The following PSMD11 variants were observed in gnomAD, a reference collection of about 807,000 sequenced individuals.
PSMD11 encodes the protein proteasome 26S subunit, non-ATPase 11.
In PSMD11, 5 loss-of-function variants were observed where a neutral mutation model predicts 62.3. The observed-to-expected ratio is 0.08, with a 90% confidence interval of 0.04 to 0.17. The LOEUF is 0.17. Among genes scored for constraint, PSMD11 ranks in the 10% least tolerant of loss-of-function variants. PSMD11 has a pLI of 1.00. For synonymous variants in PSMD11, 191 were observed against 191.8 expected, an observed-to-expected ratio of 1.00 and a Z score of 0.03; for missense variants, 310 against 512.9, an observed-to-expected ratio of 0.60 and a Z score of 3.82.
chr17:32,466,701 C>T (rs1908002353), intron 5 of PSMD11, among the ~76,000 whole-genome samples: 1 of 152,162 alleles, frequency 6.6e-6, no homozygotes, highest in Non-Finnish European at 1.5e-5. Flanking sequence ...AACTGATTAG[C>T]TGTTTAAGGA....
intron 3 of PSMD11, among the ~76,000 whole-genome samples, chr17:32,455,078 A>G (rs1907612459): frequency 6.6e-6 from 1 of 152,148 alleles, no homozygotes; most frequent in Non-Finnish European, 1.5e-5. Context: ...GTGTTCCTGT[A>G]TGTGTCCCAC....
chr17:32,478,688 C>T (rs1193646982), intron 9 of PSMD11, among the ~76,000 whole-genome samples: 1 of 152,204 alleles, frequency 6.6e-6, no homozygotes, highest in African/African-American at 2.4e-5. Flanking sequence ...TTGTGGAATT[C>T]AGCATTTCCT....
intron 12 of PSMD11, 41 bp downstream of exon 12, chr17:32,480,238 A>T: frequency 1.3e-6 from 2 of 1,587,216 alleles, no homozygotes; most frequent in Non-Finnish European, 1.7e-6. Context: ...GGTGGTGGTG[A>T]TGAGATGGTT....
chr17:32,470,437 C>T lies in PSMD11; in HGVS notation c.643+1244C>T, dbSNP rs148888416. 1.9e-3 allele frequency among the ~76,000 whole-genome samples: 284 copies of T among 152,176 alleles called. 2 individuals are homozygous for T. The highest frequency in any genetic ancestry group is 6.5e-3 in the African/African-American group (269 of 41,548). ...AAGCGATTCTCCTGTCTCAGCCTCC[C>T]GAGTAGCTGGGATTACAGGCACCTG... is the stretch of plus-strand genomic sequence containing the variant. On this transcript the variant is annotated intron_variant, in intron 6 of 13. Transcript: ENST00000261712.
At chr17:32,452,573 A>T (rs905016442) in intron 2 of PSMD11, among the ~76,000 whole-genome samples, 8 of 152,368 alleles carry the variant, frequency 5.3e-5, no homozygotes, top group Non-Finnish European at 8.8e-5. Flanking sequence ...CAGGAAGATT[A>T]AATTCAGTTG....
Position 32,479,940 on chromosome 17 carries a change from G to A in PSMD11, c.1074+54G>A, listed in dbSNP as rs947121436. 6 of 1,582,276 alleles carry A rather than the reference G, an allele frequency of 3.8e-6. No individual in the cohort carries two copies. The African/African-American group carries it at 8.1e-5, about 21-fold the overall frequency. On this transcript the variant is annotated intron_variant, in intron 11 of 13. Coordinates refer to ENST00000261712, the MANE Select transcript of PSMD11 (RefSeq NM_002815.4). ...AGGAATGGGACGGGGTGGCGAGGAG[G>A]GGTGGCACATGCACCTGATTGGCCT...
At chr17:32,469,466 C>G (rs984683620) in intron 6 of PSMD11, among the ~76,000 whole-genome samples, 1 of 152,222 alleles carries the variant, frequency 6.6e-6, no homozygotes, top group Non-Finnish European at 1.5e-5. Context: ...TCCCTTAGCT[C>G]TTAGCCACTT....
At chr17:32,464,675 C>T (rs1907943758) in intron 5 of PSMD11, 97 bp downstream of exon 5, 1 of 889,672 alleles carries the variant, frequency 1.1e-6, no homozygotes, top group Middle Eastern at 2.3e-4. Context: ...AATTTATATT[C>T]TACTGACTTC....
At position 32,462,932 on chromosome 17, in the gene PSMD11, C is replaced by T. The variant is rs1307097615; in HGVS notation, c.319-1117C>T. On this transcript the variant is annotated intron_variant, in intron 3 of 13. Transcript: ENST00000261712. ...TGAACTCCCGACCTCAGGTGATCCACCTGCCTTGGCCTCCCAGATTGCTGG... is the reference window on the plus strand; with the variant it reads ...TGAACTCCCGACCTCAGGTGATCCATCTGCCTTGGCCTCCCAGATTGCTGG... 2.6e-5 allele frequency among the ~76,000 whole-genome samples: 4 copies of T among 152,228 alleles called. No homozygotes were observed. In the East Asian group the frequency reaches 7.7e-4, roughly 29 times the overall value.
intron 5 of PSMD11, among the ~76,000 whole-genome samples, chr17:32,466,571 G>A (rs1035901046): frequency 5.9e-5 from 9 of 152,156 alleles, no homozygotes; most frequent in Non-Finnish European, 1.3e-4. Flanking sequence ...TTCATCAGTT[G>A]ATGGACACTT....
At chr17:32,480,220 A>T in intron 12 of PSMD11, 23 bp downstream of exon 12, 1 of 1,603,848 alleles carries the variant, frequency 6.2e-7, no homozygotes, top group African/African-American at 1.3e-5. Context: ...CACACAGGCA[A>T]GGGGGCTGGT....
intron 9 of PSMD11, 134 bp downstream of exon 9, chr17:32,477,717 C>T: frequency 1.5e-6 from 1 of 680,654 alleles, no homozygotes; most frequent in Non-Finnish European, 2.3e-6. Flanking sequence ...TCACCTAGGA[C>T]AGTATTAAAA....
Position 32,473,886 on chromosome 17 carries a change from C to T in PSMD11, c.729C>T (p.Asp243=), listed in dbSNP as rs1402095423. Residue 243 remains aspartate (D), a synonymous_variant, in exon 7 of 14, where the codon GAC becomes GAT. Transcript: ENST00000261712. ...YEAFEGYDSI[D]SPKAITSLKY... is the part of the protein sequence containing the mutation. Reference sequence around the variant, plus strand: ...CATTTGAGGGTTATGACTCCATCGACAGCCCCAAGGCCATCACATCTCTGA... The same window carrying T: ...CATTTGAGGGTTATGACTCCATCGATAGCCCCAAGGCCATCACATCTCTGA... 1 of 1,614,082 alleles carries T rather than the reference C, an allele frequency of 6.2e-7. No homozygotes were observed. The highest frequency in any genetic ancestry group is 8.5e-7 in the Non-Finnish European group (1 of 1,180,024).
chr17:32,477,385 T>C (rs1908359452), intron 8 of PSMD11, 136 bp from the exon 9 acceptor site: 1 of 625,024 alleles, frequency 1.6e-6, no homozygotes. Context: ...TTCCCGGGCG[T>C]CTGAAGAAGA....
At chr17:32,470,829 G>T (rs1908143922) in intron 6 of PSMD11, among the ~76,000 whole-genome samples, 1 of 152,210 alleles carries the variant, frequency 6.6e-6, no homozygotes, top group Non-Finnish European at 1.5e-5. Flanking sequence ...TTGGGTTGTT[G>T]AAGGGGCTTT....
At chr17:32,480,426 C>T in intron 12 of PSMD11, 63 bp from the exon 13 acceptor site, 1 of 1,596,244 alleles carries the variant, frequency 6.3e-7, no homozygotes, top group Middle Eastern at 1.7e-4. Flanking sequence ...GAGTGGGCTG[C>T]TTCACAAACA....
chr17:32,478,992 C>G (rs1212931560), intron 9 of PSMD11, among the ~76,000 whole-genome samples: 1 of 152,066 alleles, frequency 6.6e-6, no homozygotes, highest in Non-Finnish European at 1.5e-5. Context: ...CCAAGCTGGA[C>G]TTGAACTCTT....
At position 32,464,159 on chromosome 17, in the gene PSMD11, A is replaced by G. The variant is rs575851460; in HGVS notation, c.390+39A>G. Reference sequence around the variant, plus strand: ...TAGTACTCATTTCAGGTCTCTAAGCATGAGACAGAGGGTGAATGTAAGCAG... The same window carrying G: ...TAGTACTCATTTCAGGTCTCTAAGCGTGAGACAGAGGGTGAATGTAAGCAG... On this transcript the variant is annotated intron_variant, in intron 4 of 13. Transcript: ENST00000261712. The G allele has an allele frequency of 1.9e-4, 293 of 1,547,100 alleles. 7 individuals carry two copies. The South Asian group carries it at 3.1e-3, about 16-fold the overall frequency.
In PSMD11 at chr17:32,468,564, G is replaced by A. The variant is rs115858715; in HGVS notation, c.449-435G>A. ...TGAGATGGGGGAGTCAGGGAAGAAG[G>A]TATATTTGGAGAACATTGGTATATC... On this transcript the variant is annotated intron_variant, in intron 5 of 13. Coordinates refer to ENST00000261712, the MANE Select transcript of PSMD11 (RefSeq NM_002815.4). Among the ~76,000 whole-genome samples, 301 of 152,290 alleles carry A rather than the reference G, an allele frequency of 2.0e-3. 1 individual carries two copies. The highest frequency in any genetic ancestry group is 6.9e-3 in the African/African-American group (287 of 41,546).
Sources: gnomAD v4.1 joint callset for allele counts (sites outside exome capture counted in the v4.1 genomes callset) on GRCh38, gnomAD v4.1.1 for gene constraint, MANE v1.5 for transcripts, NCBI Gene and HGNC (gene_info 2026-07-23, HGNC 2026-07-21) for gene names.